Variants in KIF21A observed in about 807,000 individuals in gnomAD.
KIF21A encodes kinesin family member 21A, also known as kinesin-like protein KIF21A.
A neutral mutation model predicts 202.9 loss-of-function variants in KIF21A; 114 were observed. The ratio of observed to expected loss-of-function variants is 0.56; its 90% confidence interval spans 0.48 to 0.66. The LOEUF is 0.66. Ranked by LOEUF, KIF21A falls within the 30% of genes least tolerant of loss-of-function variation. The probability of loss-of-function intolerance (pLI) is 0.00; values close to 1 mark genes in which losing one functional copy is unlikely to be tolerated. For missense variants in KIF21A, 1,677 were observed against 1,994.9 expected, an observed-to-expected ratio of 0.84 and a Z score of 3.04; for synonymous variants, 667 against 670.8, an observed-to-expected ratio of 0.99 and a Z score of 0.09.
rs139033996 is a variant in KIF21A, at chr12:39,330,252, G to T, written c.3330C>A (p.Ser1110Arg). ...LLGHALQDLD[S>R]VPLENVEDST... is the part of the protein sequence containing the mutation. ...GCTAAACATACTTACCTAATGGTAC[G>T]CTATCTAGATCTGTGTAAATAACAG... The change falls in exon 24 of 38, where the codon AGC becomes AGA. Residue 1110 changes from serine (S) to arginine (R), a missense_variant. Ser to Arg is a moderately radical substitution (Grantham distance 110, BLOSUM62 -1). Around this residue, in one of 3 missense-constraint regions of KIF21A, gnomAD observed 705 missense variants for 791.9 expected, o/e 0.89. Transcript: ENST00000361418. 1 of 1,611,666 alleles carries T rather than the reference G, an allele frequency of 6.2e-7. No homozygotes were observed. Among genetic ancestry groups the T allele is most frequent in the African/African-American group, 1.3e-5 (1 of 74,930 alleles).
intron 1 of KIF21A, among the ~76,000 whole-genome samples, chr12:39,379,840 C>A (rs1950501205): frequency 6.6e-6 from 1 of 152,192 alleles, no homozygotes; most frequent in African/African-American, 2.4e-5. Context: ...CATCTCTTGT[C>A]GCCTCCCTTG....
In KIF21A at chr12:39,351,956, T is replaced by A. The variant is rs970561537; in HGVS notation, c.1494A>T (p.Ala498=). ...DLRAKLLESE[A]VNENLRKNLT... is the part of the protein sequence containing the mutation. ...AGTTTTTTCGAAGGTTCTCATTCAC[T>A]GCTTCACTTTCTAATAATTTTGCCC... Residue 498 remains alanine (A), a synonymous_variant, in exon 11 of 38, where the codon GCA becomes GCT. Coordinates refer to ENST00000361418, the MANE Select transcript of KIF21A (RefSeq NM_001173464.2). The A allele has an allele frequency of 1.9e-6, 3 of 1,613,066 alleles. No homozygotes were observed. In the East Asian group the frequency reaches 6.7e-5, roughly 36 times the overall value.
chr12:39,316,060 A>G, intron 29 of KIF21A, 90 bp from the exon 30 acceptor site: 3 of 840,794 alleles, frequency 3.6e-6, no homozygotes, highest in Non-Finnish European at 6.3e-6. Context: ...AACAGCATGA[A>G]TAACAGATAT....
chr12:39,366,553 A>G, intron 5 of KIF21A, 36 bp from the exon 6 acceptor site: 1 of 1,446,690 alleles, frequency 6.9e-7, no homozygotes, highest in East Asian at 2.4e-5. Flanking sequence ...ATACTTTATT[A>G]ATGTAACATT....
rs142304324 is a variant in KIF21A at position 39,342,135 on chromosome 12, G to C, written c.1713-11C>G. 2,805 of 1,545,546 alleles carry C rather than the reference G, an allele frequency of 1.8e-3. 9 individuals are homozygous for C. The highest frequency in any genetic ancestry group is 5.4e-3 in the Middle Eastern group (32 of 5,940). ...TCTTTACCAGCCACACTAAAAAAAGGAACATAAGGGTATGGTGTTAAAATA... is the reference window on the plus strand; with the variant it reads ...TCTTTACCAGCCACACTAAAAAAAGCAACATAAGGGTATGGTGTTAAAATA... On this transcript the variant is annotated splice_polypyrimidine_tract_variant and intron_variant, in intron 12 of 37. Transcript: ENST00000361418.
chr12:39,348,064 T>C (rs1948054424), intron 11 of KIF21A, among the ~76,000 whole-genome samples: 1 of 152,082 alleles, frequency 6.6e-6, no homozygotes, highest in African/African-American at 2.4e-5. Context: ...ACAAGAAAGC[T>C]ATATTAAAAT....
intron 1 of KIF21A, among the ~76,000 whole-genome samples, chr12:39,416,750 T>C (rs978140003): frequency 1.5e-5 from 2 of 137,070 alleles, no homozygotes; most frequent in African/African-American, 5.7e-5. Flanking sequence ...TATATATATG[T>C]ACATATATAT....
chr12:39,413,158 A>C (rs1032727402), intron 1 of KIF21A, among the ~76,000 whole-genome samples: 2 of 152,174 alleles, frequency 1.3e-5, no homozygotes, highest in Admixed American at 1.3e-4. Flanking sequence ...TAATTACCTA[A>C]CTGAACTTCT....
At chr12:39,328,062 C>T (rs1161678191) in intron 24 of KIF21A, among the ~76,000 whole-genome samples, 1 of 152,096 alleles carries the variant, frequency 6.6e-6, no homozygotes, top group Non-Finnish European at 1.5e-5. Context: ...AACATTGCAG[C>T]CCCTGAGACC....
At chr12:39,349,944 G>A (rs552648736) in intron 11 of KIF21A, among the ~76,000 whole-genome samples, 6 of 152,016 alleles carry the variant, frequency 3.9e-5, no homozygotes, top group South Asian at 4.1e-4. Flanking sequence ...GTCAGTGTAC[G>A]AAGGTACACT....
chr12:39,406,383 G>A (rs549082233), intron 1 of KIF21A, among the ~76,000 whole-genome samples: 2 of 152,238 alleles, frequency 1.3e-5, no homozygotes, highest in African/African-American at 4.8e-5. Flanking sequence ...CAACAGACAG[G>A]AAATTCAAAG....
intron 1 of KIF21A, among the ~76,000 whole-genome samples, chr12:39,399,801 T>C (rs1952030702): frequency 6.6e-6 from 1 of 152,200 alleles, no homozygotes; most frequent in Admixed American, 6.5e-5. Flanking sequence ...TCTCTGCTGA[T>C]AATTGGCCCT....
intron 1 of KIF21A, among the ~76,000 whole-genome samples, chr12:39,420,018 A>G (rs901319017): frequency 2.0e-5 from 3 of 151,658 alleles, no homozygotes; most frequent in Admixed American, 1.3e-4. Flanking sequence ...AGATGTATAA[A>G]TAAACACAGA....
rs1947339333 is a variant in KIF21A at position 39,340,338 on chromosome 12, T to C, written c.2137A>G (p.Lys713Glu). The change falls in exon 16 of 38, where the codon AAA (lysine) becomes GAA (glutamate). Residue 713 changes from lysine (K) to glutamate (E), a missense_variant. Transcript: ENST00000361418. The part of the protein sequence containing the change: ...LGSVESYSEE[K>E]AKKVRSEYEK... ...TATTCAGACCTAACTTTTTTTGCTT[T>C]TTCTTCTGAGTAAGATTCTACCGAG... 6.2e-7 allele frequency: 1 copy of C among 1,609,460 alleles called. No homozygotes were observed. Among genetic ancestry groups the C allele is most frequent in the Non-Finnish European group, 8.5e-7 (1 of 1,177,510 alleles).
intron 1 of KIF21A, among the ~76,000 whole-genome samples, chr12:39,415,230 CTTTTTTT>C (rs1161997461): frequency 4.1e-4 from 23 of 55,452 alleles, no homozygotes; most frequent in African/African-American, 1.6e-3. Context: ...GTAGAGAATG[CTTTTTTT>C]TTTTTTTTTT....
chr12:39,413,014 A>G (rs1953242035), intron 1 of KIF21A, among the ~76,000 whole-genome samples: 2 of 152,346 alleles, frequency 1.3e-5, no homozygotes, highest in East Asian at 1.9e-4. Context: ...TGGAGGACCT[A>G]TCCCAGTGAT....
At chr12:39,334,212 A>G in intron 17 of KIF21A, among the ~76,000 whole-genome samples, 1 of 151,310 alleles carries the variant, frequency 6.6e-6, no homozygotes, top group East Asian at 1.9e-4. Context: ...AAAAAAAAAA[A>G]AAAAAAAAGA....
At chr12:39,418,563 A>G (rs1592662611) in intron 1 of KIF21A, among the ~76,000 whole-genome samples, 1 of 152,238 alleles carries the variant, frequency 6.6e-6, no homozygotes, top group Non-Finnish European at 1.5e-5. Context: ...CTAGAAAACT[A>G]CAGATGCAAC....
At position 39,442,217 on chromosome 12, in the gene KIF21A, A is replaced by AC. The variant is rs1389190191; in HGVS notation, c.44+709dup. Among the ~76,000 whole-genome samples the AC allele has an allele frequency of 6.6e-6, 1 of 151,690 alleles. No homozygotes were observed. The highest frequency in any genetic ancestry group is 1.5e-5 in the Non-Finnish European group (1 of 67,984). Reference sequence around the variant, plus strand: ...TAATGTCAGTATGTTTCACACAGTCACCCATTTCACCCTTCCTCTGGCTAA... The same window carrying AC: ...TAATGTCAGTATGTTTCACACAGTCACCCCATTTCACCCTTCCTCTGGCTAA... On this transcript the variant is annotated intron_variant, in intron 1 of 37. Transcript: ENST00000361418. The surrounding 1 kb of genome is among the most constrained non-coding windows in gnomAD (Gnocchi z 5.0).
Sources: gnomAD v4.1 joint callset for allele counts (sites outside exome capture counted in the v4.1 genomes callset) on GRCh38, gnomAD v4.1.1 for gene constraint, gnomAD v4.1.1 regional missense constraint, Gnocchi (gnomAD v3.1) non-coding constraint, MANE v1.5 for transcripts, NCBI Gene and HGNC (gene_info 2026-07-23, HGNC 2026-07-21) for gene names.